Variants in LZTS2 observed in about 807,000 individuals in gnomAD.
LZTS2 encodes leucine zipper tumor suppressor 2.
Under a neutral mutation model 60.6 loss-of-function variants are expected in LZTS2, and 32 were observed. The observed-to-expected ratio is 0.53, with a 90% CI of 0.40 to 0.71. The LOEUF (loss-of-function observed/expected upper bound fraction) is 0.71. Ranked by LOEUF, LZTS2 falls within the 30% of genes least tolerant of loss-of-function variation. The pLI, the probability that LZTS2 is intolerant of heterozygous loss-of-function variation, is 0.00. For missense variants in LZTS2, 792 were observed against 901.9 expected (o/e 0.88, Z 1.56); for synonymous variants, 360 against 393.1 (o/e 0.92, Z 1.00).
At chr10:101,007,525 C>T (rs984013280) in exon 4 of LZTS2, 3 of 1,337,662 alleles carry the variant, frequency 2.2e-6, no homozygotes, top group Non-Finnish European at 2.0e-6. Context: ...TCACATTCCC[C>T]CCGACCCCAA....
At chr10:100,999,879 G>C (rs1851994364) in exon 1 of LZTS2, 1 of 150,840 alleles carries the variant, frequency 6.6e-6, no homozygotes, top group African/African-American at 2.4e-5. Context: ...GCCGGAGCCG[G>C]AGCCGGGGCC....
Position 101,003,499 on chromosome 10 carries a change from C to T in LZTS2, c.409-8C>T, listed in dbSNP as rs531394157. On this transcript the variant is annotated splice_region_variant and splice_polypyrimidine_tract_variant and intron_variant, in intron 1 of 3. Transcript: ENST00000370220. Reference sequence around the variant, plus strand: ...TCATCTCCAGTGTCACATGGCACCTCATTTCAGAACATGGAGAAGATCCTG... The same window carrying T: ...TCATCTCCAGTGTCACATGGCACCTTATTTCAGAACATGGAGAAGATCCTG... 2 of 1,514,488 alleles carry T rather than the reference C, an allele frequency of 1.3e-6. No individual in the cohort carries two copies. Among genetic ancestry groups the T allele is most frequent in the South Asian group, 2.7e-5 (2 of 74,898 alleles). The allele number at this position is 1,514,488 out of a possible 1,614,324, so 93.8% of individuals were successfully genotyped here. A position where few individuals can be genotyped will look rare whatever the true frequency, so the allele number is the denominator to read the frequency against.
At chr10:101,004,272 T>C in intron 2 of LZTS2, 106 bp downstream of exon 3, 1 of 1,285,552 alleles carries the variant, frequency 7.8e-7, no homozygotes, top group Non-Finnish European at 1.1e-6. Context: ...TGGGTAGTTG[T>C]AGTTGTGACC....
At chr10:101,003,214 C>T (rs982512780) in intron 1 of LZTS2, 17 of 536,456 alleles carry the variant, frequency 3.2e-5, no homozygotes, top group Admixed American at 3.0e-4. Flanking sequence ...TAGTTGCTTA[C>T]GTTCTGGTTA....
exon 1 of LZTS2, chr10:101,001,797 TCCTTCAGG>T (rs902646816): frequency 1.3e-5 from 2 of 152,288 alleles, no homozygotes; most frequent in Non-Finnish European, 2.9e-5. Context: ...CTGTGGAGGC[TCCTTCAGG>T]CCTTCAGGCC....
intron 1 of LZTS2, 35 bp from the exon 3 acceptor site, chr10:101,003,472 G>A (rs199824297): frequency 3.7e-4 from 560 of 1,510,486 alleles, no homozygotes; most frequent in Non-Finnish European, 4.8e-4. Context: ...AGATTGGGCA[G>A]CTCATCTCCA....
At chr10:101,006,826 T>C (rs1465305273) in exon 4 of LZTS2, 1 of 1,540,816 alleles carries the variant, frequency 6.5e-7, no homozygotes, top group Non-Finnish European at 8.8e-7. Context: ...CAGAGAGTGA[T>C]GAGGCCAAAG....
intron 2 of LZTS2, 122 bp downstream of exon 3, chr10:101,004,288 GCC>G: frequency 9.2e-7 from 1 of 1,092,250 alleles, no homozygotes; most frequent in Non-Finnish European, 1.3e-6. Context: ...TGACCCCCCT[GCC>G]CTCCCCACCA....
exon 1 of LZTS2, chr10:101,002,761 C>T (rs939146522): frequency 1.9e-6 from 3 of 1,613,296 alleles, no homozygotes; most frequent in Non-Finnish European, 2.5e-6. Flanking sequence ...GCCGCTGTGC[C>T]CAGCTGTGCC....
At chr10:100,999,263 G>A (rs1851975591), upstream of LZTS2, among the ~76,000 whole-genome samples, 1 of 152,222 alleles carries the variant, frequency 6.6e-6, no homozygotes, top group Non-Finnish European at 1.5e-5. Flanking sequence ...CTCCGAGCCG[G>A]CCGCCAGGTG....
chr10:101,007,110 G>T (rs1852235319), exon 4 of LZTS2: 2 of 1,610,418 alleles, frequency 1.2e-6, no homozygotes, highest in Non-Finnish European at 1.7e-6. Context: ...GCTGACCTGG[G>T]CCTGGCCGAG....
At chr10:101,007,483 G>A in exon 4 of LZTS2, 1 of 1,419,506 alleles carries the variant, frequency 7.0e-7, no homozygotes, top group Non-Finnish European at 9.3e-7. Flanking sequence ...TCCAGCCAGG[G>A]GAGCAGGGAA....
In LZTS2 at chr10:101,003,806, C is replaced by G. The variant is rs143408611; in HGVS notation, c.708C>G (p.Ala236=). ...TGCCCACCTACAGCACCGGAGGTGC[C>G]GAGCCAACCACCAGCTCCCCAGGCG... The change falls in exon 2 of 4, where the codon GCC becomes GCG. Residue 236 remains alanine, a synonymous_variant. Coordinates refer to ENST00000370220, the Ensembl canonical transcript of LZTS2. 2 of 1,613,160 alleles carry G rather than the reference C, an allele frequency of 1.2e-6. No homozygotes were observed. Among genetic ancestry groups the G allele is most frequent in the South Asian group, 2.2e-5 (2 of 91,086 alleles).
chr10:101,004,174 C>A lies in LZTS2; in HGVS notation c.1068+8C>A. 1.3e-6 allele frequency: 2 copies of A among 1,586,066 alleles called. No individual in the cohort carries two copies. The highest frequency in any genetic ancestry group is 2.2e-5 in the South Asian group (2 of 89,142). ...GAGGCTACCATGTGCCAGGTGTGGT[C>A]AGAGGCAATGATGGGGAAGGGGCAT... On this transcript the variant is annotated splice_region_variant and intron_variant, in intron 2 of 3. Coordinates refer to ENST00000370220, the Ensembl canonical transcript of LZTS2.
chr10:101,005,647 C>A (rs937582794), exon 3 of LZTS2: 22 of 1,608,886 alleles, frequency 1.4e-5, no homozygotes, highest in South Asian at 8.8e-5. Context: ...ACAGCTGGAG[C>A]GGCGCTGCGC....
At position 101,003,647 on chromosome 10, in the gene LZTS2, TG is replaced by T. The variant is rs1253640617; in HGVS notation, c.554del (p.Gly185AlafsTer101). The T allele has an allele frequency of 6.2e-7, 1 of 1,609,166 alleles. No homozygotes were observed. Among genetic ancestry groups the T allele is most frequent in the Admixed American group, 1.7e-5 (1 of 59,910 alleles). ...GCCAGGGCAGCCTGACGCAGCTGTT[TG>T]GGGGCCCTGCCTCCTCCTCCTCCTC... On this transcript the variant is annotated frameshift_variant, in exon 2 of 4. Coordinates refer to ENST00000370220, the Ensembl canonical transcript of LZTS2. LOFTEE classifies it high-confidence loss of function.
At position 101,007,511 on chromosome 10, in the gene LZTS2, C is replaced by G. The variant is rs1376121127; in HGVS notation, c.*343C>G. The G allele has an allele frequency of 2.2e-6, 3 of 1,365,690 alleles. No individual in the cohort carries two copies. In the African/African-American group the frequency reaches 4.4e-5, roughly 20 times the overall value. The allele number at this position is 1,365,690 out of a possible 1,614,324, so 84.6% of individuals were successfully genotyped here. On this transcript the variant is annotated 3_prime_UTR_variant, in exon 4 of 4. Coordinates refer to ENST00000370220, the Ensembl canonical transcript of LZTS2. Reference sequence around the variant, plus strand: ...GCAGGGAAGAAGAAGGGGCTCCCTCCTCTTCACATTCCCCCCGACCCCAAA... The same window carrying G: ...GCAGGGAAGAAGAAGGGGCTCCCTCGTCTTCACATTCCCCCCGACCCCAAA...
intron 2 of LZTS2, 143 bp downstream of exon 3, chr10:101,004,309 G>A: frequency 1.1e-6 from 1 of 931,378 alleles, no homozygotes; most frequent in East Asian, 2.7e-5. Flanking sequence ...CAGTTGTCTG[G>A]TTTAATGTGT....
At position 101,006,480 on chromosome 10, in the gene LZTS2, C is replaced by G; in HGVS notation, c.1327-5C>G. On this transcript the variant is annotated splice_polypyrimidine_tract_variant and splice_region_variant and intron_variant, in intron 3 of 3. Coordinates refer to ENST00000370220, the Ensembl canonical transcript of LZTS2. ...CCATCCTTCCCCACTTCCTCCCACC[C>G]CCAGGTGTGCCAGAAATCAGGCGAG... is the stretch of plus-strand genomic sequence containing the variant. The G allele has an allele frequency of 6.2e-7, 1 of 1,606,008 alleles. No individual in the cohort carries two copies. The highest frequency in any genetic ancestry group is 1.3e-5 in the African/African-American group (1 of 74,932).
Sources: gnomAD v4.1 joint callset for allele counts (sites outside exome capture counted in the v4.1 genomes callset) on GRCh38, gnomAD v4.1.1 for gene constraint, MANE v1.5 for transcripts, NCBI Gene and HGNC (gene_info 2026-07-23, HGNC 2026-07-21) for gene names.